The following SCHIP1 variants were observed in gnomAD, a reference collection of about 807,000 sequenced individuals.
SCHIP1 encodes the protein schwannomin-interacting protein 1.
In SCHIP1, 8 loss-of-function variants were observed where a neutral mutation model predicts 29.7. The observed-to-expected ratio is 0.27, with a 90% CI of 0.16 to 0.49. SCHIP1 has a LOEUF of 0.49. Ranked by LOEUF, SCHIP1 falls within the 20% of genes least tolerant of loss-of-function variation. The probability of loss-of-function intolerance (pLI) is 0.99; values close to 1 mark genes in which losing one functional copy is unlikely to be tolerated. For missense variants in SCHIP1, 193 were observed against 294.6 expected, an observed-to-expected ratio of 0.66 and a Z score of 2.52; for synonymous variants, 76 against 94.9, an observed-to-expected ratio of 0.80 and a Z score of 1.16.
the SCHIP1 span, among the ~76,000 whole-genome samples, chr3:159,787,375 A>G: frequency 1.3e-5 from 2 of 152,110 alleles, no homozygotes; most frequent in Non-Finnish European, 2.9e-5. Flanking sequence ...ACATACATTC[A>G]TACACACTTG....
At chr3:159,643,115 A>G in the SCHIP1 span, among the ~76,000 whole-genome samples, 1 of 152,128 alleles carries the variant, frequency 6.6e-6, no homozygotes, top group East Asian at 1.9e-4. Context: ...AATCAAACTC[A>G]GTTCCTCCAA....
chr3:159,713,124 C>T, the SCHIP1 span, among the ~76,000 whole-genome samples: 1 of 145,250 alleles, frequency 6.9e-6, no homozygotes, highest in East Asian at 2.0e-4. Flanking sequence ...CATTGCACTC[C>T]AGCCTGGGCA....
the SCHIP1 span, among the ~76,000 whole-genome samples, chr3:159,548,348 T>C: frequency 6.6e-6 from 1 of 152,046 alleles, no homozygotes; most frequent in Non-Finnish European, 1.5e-5. Context: ...AAGTTATTTT[T>C]AGGAATTTGC....
At chr3:159,696,897 A>G in the SCHIP1 span, among the ~76,000 whole-genome samples, 2 of 152,226 alleles carry the variant, frequency 1.3e-5, no homozygotes, top group Non-Finnish European at 2.9e-5. Flanking sequence ...TTAATGGAGA[A>G]AGGTAGGGCA....
chr3:159,537,693 A>C, the SCHIP1 span, among the ~76,000 whole-genome samples: 1 of 152,150 alleles, frequency 6.6e-6, no homozygotes, highest in Non-Finnish European at 1.5e-5. Context: ...CCATAGAGCC[A>C]TAAACATGGC....
chr3:159,704,074 T>C, the SCHIP1 span, among the ~76,000 whole-genome samples: 3 of 152,178 alleles, frequency 2.0e-5, no homozygotes, highest in East Asian at 1.9e-4. Flanking sequence ...CTTTCCTACG[T>C]TGAGTGCCAG....
the SCHIP1 span, among the ~76,000 whole-genome samples, chr3:159,501,216 C>G: frequency 6.6e-6 from 1 of 152,160 alleles, no homozygotes; most frequent in South Asian, 2.1e-4. Flanking sequence ...GTGTTCTTAT[C>G]TATTGCTGTG....
chr3:159,651,318 A>G, the SCHIP1 span, among the ~76,000 whole-genome samples: 1 of 152,184 alleles, frequency 6.6e-6, no homozygotes, highest in Non-Finnish European at 1.5e-5. Context: ...AATTCAGATG[A>G]CTGAAACTTA....
chr3:159,648,623 T>A, the SCHIP1 span, among the ~76,000 whole-genome samples: 1 of 152,130 alleles, frequency 6.6e-6, no homozygotes, highest in Admixed American at 6.5e-5. Context: ...AATCTCCATT[T>A]GCACACACAC....
the SCHIP1 span, among the ~76,000 whole-genome samples, chr3:159,551,849 A>T: frequency 2.0e-5 from 3 of 152,130 alleles, no homozygotes; most frequent in African/African-American, 7.2e-5. Flanking sequence ...GCCAGAATTC[A>T]GATTGGAGGT....
chr3:159,601,451 G>C, the SCHIP1 span, among the ~76,000 whole-genome samples: 2 of 152,200 alleles, frequency 1.3e-5, no homozygotes, highest in Admixed American at 1.3e-4. Flanking sequence ...GGTTGTAGTT[G>C]TTACTCACCA....
chr3:159,637,671 CCTT>C, the SCHIP1 span, among the ~76,000 whole-genome samples: 12 of 152,140 alleles, frequency 7.9e-5, no homozygotes, highest in Non-Finnish European at 1.5e-4. Flanking sequence ...CCCAAAATCT[CCTT>C]CTAGAAAAGT....
the SCHIP1 span, among the ~76,000 whole-genome samples, chr3:159,307,410 A>C: frequency 6.6e-6 from 1 of 152,342 alleles, no homozygotes; most frequent in Non-Finnish European, 1.5e-5. Flanking sequence ...AGTGCCTGGG[A>C]CAGCATCAGG....
chr3:159,729,237 T>TA, the SCHIP1 span, among the ~76,000 whole-genome samples: 1 of 152,162 alleles, frequency 6.6e-6, no homozygotes, highest in East Asian at 1.9e-4. Context: ...GTGGTAGTGG[T>TA]AAAAAAATTA....
the SCHIP1 span, among the ~76,000 whole-genome samples, chr3:159,585,487 G>A: frequency 8.4e-4 from 128 of 152,300 alleles, no homozygotes; most frequent in African/African-American, 2.9e-3. Flanking sequence ...AAAAGGTAGA[G>A]AAAATGTTCA....
the SCHIP1 span, among the ~76,000 whole-genome samples, chr3:159,385,892 G>GT: frequency 2.0e-5 from 3 of 151,434 alleles, no homozygotes; most frequent in East Asian, 5.9e-4. Context: ...TCCCCTCCCT[G>GT]TGTCCACGTG....
At chr3:159,581,865 A>G in the SCHIP1 span, among the ~76,000 whole-genome samples, 1 of 152,184 alleles carries the variant, frequency 6.6e-6, no homozygotes, top group Non-Finnish European at 1.5e-5. Context: ...AAATTATTCT[A>G]TAAACAGTAT....
chr3:159,888,999 A>C (rs577701967), intron 5 of SCHIP1, 56 bp downstream of exon 6: 2 of 1,557,668 alleles, frequency 1.3e-6, no homozygotes, highest in South Asian at 2.4e-5. Flanking sequence ...TTATGGGATA[A>C]TGCTGCTTCC....
the SCHIP1 span, among the ~76,000 whole-genome samples, chr3:159,449,061 G>T: frequency 6.6e-6 from 1 of 152,206 alleles, no homozygotes; most frequent in African/African-American, 2.4e-5. Flanking sequence ...ACCAGAGATG[G>T]CACTGCTAGG....
Sources: allele counts gnomAD v4.1 joint callset (sites outside exome capture counted in the v4.1 genomes callset), GRCh38; gene constraint gnomAD v4.1.1; transcripts MANE v1.5; gene names NCBI Gene and HGNC (gene_info 2026-07-23, HGNC 2026-07-21).